The following CEP164 variants were observed in gnomAD, a reference collection of about 807,000 sequenced individuals.
CEP164 encodes the protein centrosomal protein of 164 kDa.
CEP164 carries 162 observed loss-of-function variants against 182.7 expected under a neutral mutation model. That is an observed-to-expected ratio of 0.89 (90% CI 0.78 to 1.01). The LOEUF (loss-of-function observed/expected upper bound fraction) is 1.01. CEP164 is among the 50% of genes least tolerant of loss of function. CEP164 has a pLI of 0.00. For missense variants in CEP164, 1,735 were observed against 1,790.4 expected (o/e 0.97, Z 0.56); for synonymous variants, 661 against 690.0 (o/e 0.96, Z 0.66).
At chr11:117,404,845 G>C (rs518368) in intron 27 of CEP164, among the ~76,000 whole-genome samples, 55,591 of 152,080 alleles carry the variant, frequency 0.37, 10,376 homozygotes, top group African/African-American at 0.42. Flanking sequence ...TTCAGAGATG[G>C]CCTGACCACT....
At position 117,375,698 on chromosome 11, in the gene CEP164, C is replaced by T; in HGVS notation, c.1234-10C>T. The T allele has an allele frequency of 6.2e-7, 1 of 1,613,954 alleles. No homozygotes were observed. The highest frequency in any genetic ancestry group is 8.5e-7 in the Non-Finnish European group (1 of 1,179,818). ...GGCAGAGTTGACCTTTGCATCTCCA[C>T]TGTCTCCAGGACTTCGGTTTTCGCA... On this transcript the variant is annotated splice_polypyrimidine_tract_variant and intron_variant, in intron 10 of 32. Coordinates refer to ENST00000278935, the MANE Select transcript of CEP164 (RefSeq NM_014956.5).
chr11:117,408,101 G>A, intron 28 of CEP164, 69 bp downstream of exon 28: 3 of 1,243,414 alleles, frequency 2.4e-6, no homozygotes, highest in South Asian at 2.6e-5. Context: ...ATTGGGTTGA[G>A]TTCTTTGGTC....
chr11:117,332,059 A>G (rs1344594483), intron 1 of CEP164, among the ~76,000 whole-genome samples: 1 of 151,402 alleles, frequency 6.6e-6, no homozygotes, highest in African/African-American at 2.4e-5. Flanking sequence ...TTCTAGGCTC[A>G]AGTGATCCTA....
At position 117,411,431 on chromosome 11, in the gene CEP164, G is replaced by A. The variant is rs2047346602; in HGVS notation, c.4164-364G>A. 1 of 284,144 alleles carries A rather than the reference G, an allele frequency of 3.5e-6. No homozygotes were observed. Among genetic ancestry groups the A allele is most frequent in the African/African-American group, 2.2e-5 (1 of 46,460 alleles). 17.6% of individuals were successfully genotyped at this position (284,144 alleles called of 1,614,324 possible). A position where few individuals can be genotyped will look rare whatever the true frequency, so the allele number is the denominator to read the frequency against. On this transcript the variant is annotated intron_variant, in intron 31 of 32. Transcript: ENST00000278935. This position sits in a 1 kb window ranked among gnomAD's most constrained non-coding sequence, Gnocchi z 4.4. ...TTTTCCCCTCTCCCTCCCTTAGGCA[G>A]CTAACAGTGAGTACCCCCCACTAAC...
chr11:117,359,466 T>A, intron 5 of CEP164: 6 of 985,232 alleles, frequency 6.1e-6, no homozygotes, highest in Non-Finnish European at 7.2e-6. Flanking sequence ...AGCTCAGGAG[T>A]GTCTCTCACC....
intron 27 of CEP164, among the ~76,000 whole-genome samples, chr11:117,399,817 A>G (rs1389525451): frequency 6.6e-6 from 1 of 151,978 alleles, no homozygotes; most frequent in Non-Finnish European, 1.5e-5. Flanking sequence ...TCCTTTGCCC[A>G]CTTTTTGATG....
chr11:117,330,018 C>A (rs1182691549), intron 1 of CEP164, among the ~76,000 whole-genome samples: 4 of 151,910 alleles, frequency 2.6e-5, no homozygotes, highest in East Asian at 1.9e-4. Context: ...ATAATTAATT[C>A]TTTGCACCCA....
intron 11 of CEP164, among the ~76,000 whole-genome samples, chr11:117,376,848 G>A (rs1042319208): frequency 3.3e-5 from 5 of 152,200 alleles, no homozygotes; most frequent in East Asian, 1.9e-4. Context: ...TGGAGCAGGC[G>A]AATTGTGAGG....
intron 27 of CEP164, among the ~76,000 whole-genome samples, chr11:117,402,361 C>T (rs1264816638): frequency 6.6e-6 from 1 of 152,036 alleles, no homozygotes; most frequent in Non-Finnish European, 1.5e-5. Context: ...GCTGGGATTA[C>T]AGGTGTGTGC....
At position 117,361,233 on chromosome 11, in the gene CEP164, CTTTTTTTTTTTTTT is replaced by C. The variant is rs71469129; in HGVS notation, c.394-589_394-576del. On this transcript the variant is annotated intron_variant, in intron 5 of 32. Coordinates refer to ENST00000278935, the MANE Select transcript of CEP164 (RefSeq NM_014956.5). The stretch of plus-strand genomic sequence containing the variant: ...TACAGGCGTGAGCCACTGCGCCTGG[CTTTTTTTTTTTTTT>C]TTTTTTTTTTTTGAGACAGAGTCTT... 1.2e-3 allele frequency among the ~76,000 whole-genome samples: 107 copies of C among 90,196 alleles called. 1 individual carries two copies. The highest frequency in any genetic ancestry group is 2.0e-3 in the Non-Finnish European group (91 of 46,408). 59.2% of individuals were successfully genotyped at this position (90,196 alleles called of 152,430 possible).
In CEP164 at chr11:117,395,143, G is replaced by A; in HGVS notation, c.2865G>A (p.Glu955=). ...GCAAGGAGGAGACCGCCCGGAGGGA[G>A]AAGCAGCAGCTGCTTGATGTGCAGA... ...LEVQEETARR[E]KQQLLDVQRQ... Residue 955 remains glutamate (E), a synonymous_variant, in exon 23 of 33, where the codon GAG becomes GAA. Transcript: ENST00000278935. The A allele has an allele frequency of 4.3e-6, 7 of 1,614,198 alleles. No individual in the cohort carries two copies. Among genetic ancestry groups the A allele is most frequent in the Non-Finnish European group, 5.9e-6 (7 of 1,180,046 alleles).
chr11:117,360,530 C>G (rs1430355326), intron 5 of CEP164, among the ~76,000 whole-genome samples: 1 of 152,068 alleles, frequency 6.6e-6, no homozygotes, highest in Non-Finnish European at 1.5e-5. Context: ...GCTACCCCAT[C>G]TGGCTAATCT....
chr11:117,375,849 C>T (rs987964740), intron 11 of CEP164, 58 bp downstream of exon 11: 143 of 1,505,528 alleles, frequency 9.5e-5, no homozygotes, highest in Middle Eastern at 1.9e-4. Context: ...ACAACTTTTT[C>T]GGATGACCCA....
chr11:117,396,431 G>T, intron 25 of CEP164, 119 bp from the exon 26 acceptor site: 1 of 891,336 alleles, frequency 1.1e-6, no homozygotes. Context: ...AGTAAACAGT[G>T]CCTGGCAGCT....
chr11:117,335,225 C>A (rs1275947123), intron 1 of CEP164, among the ~76,000 whole-genome samples: 1 of 152,210 alleles, frequency 6.6e-6, no homozygotes, highest in Non-Finnish European at 1.5e-5. Flanking sequence ...ATCATGTCTG[C>A]AGGATGTTAC....
chr11:117,371,071 G>A lies in CEP164; in HGVS notation c.766-9G>A, dbSNP rs1423707529. 3 of 1,558,382 alleles carry A rather than the reference G, an allele frequency of 1.9e-6. No homozygotes were observed. Among genetic ancestry groups the A allele is most frequent in the Non-Finnish European group, 2.6e-6 (3 of 1,152,342 alleles). ...GTCTTCCTTTCTAACATGGTCTGTT[G>A]CTCCCTAGGAGTCTCTGAGAACAAG... On this transcript the variant is annotated splice_polypyrimidine_tract_variant and intron_variant, in intron 8 of 32. Transcript: ENST00000278935.
chr11:117,362,035 G>A (rs749360330), intron 6 of CEP164, 42 bp downstream of exon 6: 1 of 1,513,016 alleles, frequency 6.6e-7, no homozygotes, highest in East Asian at 2.3e-5. Context: ...AGTTCCTGTG[G>A]GGCCTCCCGT....
chr11:117,357,532 G>T (rs1286882041), intron 5 of CEP164, among the ~76,000 whole-genome samples: 1 of 145,626 alleles, frequency 6.9e-6, no homozygotes, highest in Non-Finnish European at 1.5e-5. Context: ...AGCTATTCTT[G>T]TGCCTCAGCC....
rs1336748039 is a variant in CEP164, at chr11:117,371,354, C to T, written c.1040C>T (p.Ala347Val). The T allele has an allele frequency of 1.9e-6, 3 of 1,614,196 alleles. No homozygotes were observed. The highest frequency in any genetic ancestry group is 3.3e-5 in the Admixed American group (2 of 60,020). Reference sequence around the variant, plus strand: ...CCTGCCAAAGCCTCTGAAAAGGAAGCACCAGAGGACACAGTAGATGCAGGA... The same window carrying T: ...CCTGCCAAAGCCTCTGAAAAGGAAGTACCAGAGGACACAGTAGATGCAGGA... ...SEPAKASEKE[A>V]PEDTVDAGEE... Residue 347 changes from alanine (A) to valine (V), a missense_variant, in exon 9 of 33, where the codon GCA becomes GTA. Ala to Val is a moderately conservative substitution (Grantham distance 64, BLOSUM62 0). Coordinates refer to ENST00000278935, the MANE Select transcript of CEP164 (RefSeq NM_014956.5).
Sources: allele counts gnomAD v4.1 joint callset (sites outside exome capture counted in the v4.1 genomes callset), GRCh38; gene constraint gnomAD v4.1.1; non-coding constraint Gnocchi (gnomAD v3.1); transcripts MANE v1.5; gene names NCBI Gene and HGNC (gene_info 2026-07-23, HGNC 2026-07-21).